Variants in DNAL1 observed in about 807,000 individuals in gnomAD.
DNAL1 encodes chromosome 14 open reading frame 168.
Under a neutral mutation model 29.4 loss-of-function variants are expected in DNAL1, and 17 were observed. That is an observed-to-expected ratio of 0.58 (90% CI 0.40 to 0.87). DNAL1 has a LOEUF of 0.87. Among genes scored for constraint, DNAL1 ranks in the 40% least tolerant of loss-of-function variants. The pLI is 0.00. For synonymous variants in DNAL1, 78 were observed against 76.3 expected (o/e 1.02, Z -0.12); for missense variants, 188 against 214.1 (o/e 0.88, Z 0.76).
intron 4 of DNAL1, among the ~76,000 whole-genome samples, chr14:73,670,379 G>T (rs1351173821): frequency 6.6e-6 from 1 of 152,144 alleles, no homozygotes; most frequent in African/African-American, 2.4e-5. Context: ...GCCACATGTG[G>T]CTAGTGACCA....
At chr14:73,675,013 G>A (rs1014788721) in intron 5 of DNAL1, among the ~76,000 whole-genome samples, 23 of 147,928 alleles carry the variant, frequency 1.6e-4, no homozygotes, top group Non-Finnish European at 2.8e-4. Flanking sequence ...TAGGGGTCTC[G>A]CCATGTTGCC....
chr14:73,668,831 C>T (rs1278926554), intron 4 of DNAL1, among the ~76,000 whole-genome samples: 2 of 152,140 alleles, frequency 1.3e-5, no homozygotes, highest in African/African-American at 4.8e-5. Flanking sequence ...GACACACCAC[C>T]ATGCCCAGCT....
chr14:73,647,390 AAAAGAAAAAG>A (rs1426229159), intron 1 of DNAL1, among the ~76,000 whole-genome samples: 3,825 of 151,288 alleles, frequency 0.025, 152 homozygotes, highest in African/African-American at 0.086. Context: ...AAGAAAAAGA[AAAAGAAAAAG>A]AAATATGTTT....
At chr14:73,679,056 A>G (rs1045859581) in intron 5 of DNAL1, among the ~76,000 whole-genome samples, 1 of 151,958 alleles carries the variant, frequency 6.6e-6, no homozygotes, top group African/African-American at 2.4e-5. Context: ...GAGTGCAGTG[A>G]TTGGATCTCG....
rs181061488 is a variant in DNAL1 at position 73,689,531 on chromosome 14, C to A, written c.532+16C>A. 6.1e-5 allele frequency: 96 copies of A among 1,584,962 alleles called. No homozygotes were observed. Among genetic ancestry groups the A allele is most frequent in the Non-Finnish European group, 8.0e-5 (93 of 1,165,144 alleles). ...AAGCTGGATGGTGAGTGATTCTGAG[C>A]TGGCTTAGACATATCTTCTAGGCAT... On this transcript the variant is annotated intron_variant, in intron 7 of 7. Coordinates refer to ENST00000553645, the MANE Select transcript of DNAL1 (RefSeq NM_031427.4).
At position 73,695,993 on chromosome 14, in the gene DNAL1, A is replaced by G; in HGVS notation, c.*51A>G. ...CTTATTTAAATGTCATAAGAACAAT[A>G]GATAAATTTTATATAATTGTCTATT... On this transcript the variant is annotated 3_prime_UTR_variant, in exon 8 of 8. Coordinates refer to ENST00000553645, the MANE Select transcript of DNAL1 (RefSeq NM_031427.4). The G allele has an allele frequency of 6.7e-7, 1 of 1,484,228 alleles. No individual in the cohort carries two copies. The highest frequency in any genetic ancestry group is 9.1e-7 in the Non-Finnish European group (1 of 1,093,532). The allele number at this position is 1,484,228 out of a possible 1,614,324, so 91.9% of individuals were successfully genotyped here. A position where few individuals can be genotyped will look rare whatever the true frequency, so the allele number is the denominator to read the frequency against.
intron 3 of DNAL1, among the ~76,000 whole-genome samples, chr14:73,660,075 T>TG (rs1891309721): frequency 6.6e-6 from 1 of 151,220 alleles, no homozygotes; most frequent in African/African-American, 2.4e-5. Flanking sequence ...TACAGGCACT[T>TG]GCCACCACAC....
At chr14:73,663,708 C>T (rs926844532) in intron 4 of DNAL1, among the ~76,000 whole-genome samples, 1 of 152,048 alleles carries the variant, frequency 6.6e-6, no homozygotes, top group Admixed American at 6.5e-5. Context: ...TGCCTCATGA[C>T]TGAGAAAGTT....
Position 73,692,766 on chromosome 14 carries a change from A to C in DNAL1, c.533-3136A>C, listed in dbSNP as rs1296859654. Reference sequence around the variant, plus strand: ...ATTCTAAACCAGTGGGATAGACCAGAACAGAGATGGCCACAGCTGCAAACT... The same window carrying C: ...ATTCTAAACCAGTGGGATAGACCAGCACAGAGATGGCCACAGCTGCAAACT... On this transcript the variant is annotated intron_variant, in intron 7 of 7. Transcript: ENST00000553645. Among the ~76,000 whole-genome samples, 3 of 152,094 alleles carry C rather than the reference A, an allele frequency of 2.0e-5. No individual in the cohort carries two copies. The East Asian group carries it at 5.8e-4, about 29-fold the overall frequency.
chr14:73,664,919 G>A (rs1891441982), intron 4 of DNAL1, among the ~76,000 whole-genome samples: 2 of 151,682 alleles, frequency 1.3e-5, no homozygotes, highest in African/African-American at 4.8e-5. Context: ...CCTCCTTGAA[G>A]ACTTCCCTCA....
chr14:73,687,983 A>G (rs11844918), intron 6 of DNAL1, among the ~76,000 whole-genome samples: 4,120 of 152,234 alleles, frequency 0.027, 156 homozygotes, highest in African/African-American at 0.092. Flanking sequence ...AACTTAAAGT[A>G]TAATAAAAAT....
chr14:73,662,509 T>C (rs925122013), intron 4 of DNAL1, among the ~76,000 whole-genome samples: 6 of 152,170 alleles, frequency 3.9e-5, no homozygotes, highest in African/African-American at 1.4e-4. Context: ...TATTCTCTTA[T>C]GGTTCTGGAG....
In DNAL1 at chr14:73,695,902, G is replaced by A; in HGVS notation, c.533G>A (p.Gly178Asp). The change falls in exon 8 of 8, where the codon GGT (glycine) becomes GAT (aspartate). Residue 178 changes from glycine to aspartate, a missense_variant and splice_region_variant. Coordinates refer to ENST00000553645, the MANE Select transcript of DNAL1 (RefSeq NM_031427.4). ...KRVPKLKKLD[G>D]TPVIKGDEEE... ...GTAATAATTTTCTTTTTCATTTTAG[G>A]TACTCCAGTAATTAAAGGGGATGAG... is the stretch of plus-strand genomic sequence containing the variant. 2.5e-6 allele frequency: 4 copies of A among 1,578,664 alleles called. No individual in the cohort carries two copies. The highest frequency in any genetic ancestry group is 3.4e-6 in the Non-Finnish European group (4 of 1,160,854).
chr14:73,658,700 A>G (rs1175217493), intron 2 of DNAL1, 147 bp from the exon 3 acceptor site: 1 of 494,886 alleles, frequency 2.0e-6, no homozygotes. Flanking sequence ...TGTTTTCAAT[A>G]AGTTAATGGT....
chr14:73,654,792 T>TCATA lies in DNAL1; in HGVS notation c.4-44_4-41dup, dbSNP rs1411088125. 16 of 1,427,362 alleles carry TCATA rather than the reference T, an allele frequency of 1.1e-5. No individual in the cohort carries two copies. The Admixed American group carries it at 2.6e-4, about 23-fold the overall frequency. 88.4% of individuals were successfully genotyped at this position (1,427,362 alleles called of 1,614,324 possible). ...TACATACATACATACATACATACAT[T>TCATA]CATACATACATACAACTTTGTTTTT... On this transcript the variant is annotated intron_variant, in intron 1 of 7. Transcript: ENST00000553645.
intron 1 of DNAL1, among the ~76,000 whole-genome samples, chr14:73,647,617 T>C (rs1327868714): frequency 1.3e-5 from 2 of 152,160 alleles, no homozygotes; most frequent in East Asian, 3.9e-4. Context: ...GAGGTTATCT[T>C]CTTTACACTA....
chr14:73,670,624 G>A (rs905614283), intron 4 of DNAL1, among the ~76,000 whole-genome samples: 1 of 151,512 alleles, frequency 6.6e-6, no homozygotes. Flanking sequence ...AGACAACCAC[G>A]GTTTCTACTT....
intron 5 of DNAL1, 125 bp from the exon 6 acceptor site, chr14:73,687,134 C>G (rs917265439): frequency 1.7e-6 from 2 of 1,173,350 alleles, no homozygotes; most frequent in Admixed American, 5.2e-5. Flanking sequence ...CAACTACTAG[C>G]TCTTCTACAA....
Position 73,662,166 on chromosome 14 carries a change from A to T in DNAL1, c.208+124A>T, listed in dbSNP as rs1184748394. ...AGCCATACTTGTTGTCAGATAATAG[A>T]ATACATAAACTATGTCTTAAGTTTG... On this transcript the variant is annotated intron_variant, in intron 4 of 7. Transcript: ENST00000553645. The T allele has an allele frequency of 3.9e-6, 3 of 768,218 alleles. No individual in the cohort carries two copies. The African/African-American group carries it at 5.3e-5, about 14-fold the overall frequency. 47.6% of individuals were successfully genotyped at this position (768,218 alleles called of 1,614,324 possible).
Sources: allele counts gnomAD v4.1 joint callset (sites outside exome capture counted in the v4.1 genomes callset), GRCh38; gene constraint gnomAD v4.1.1; transcripts MANE v1.5; gene names NCBI Gene and HGNC (gene_info 2026-07-23, HGNC 2026-07-21).